The following CMSS1 variants were observed in gnomAD, a reference collection of about 807,000 sequenced individuals.
CMSS1 encodes protein CMSS1.
Under a neutral mutation model 43.5 loss-of-function variants are expected in CMSS1, and 33 were observed. That is an observed-to-expected ratio of 0.76 (90% CI 0.57 to 1.01). CMSS1 has a LOEUF of 1.01. CMSS1 is among the 50% of genes least tolerant of loss of function. The pLI, the probability that CMSS1 is intolerant of heterozygous loss-of-function variation, is 0.00. For missense variants in CMSS1, 313 were observed against 326.4 expected (o/e 0.96, Z 0.32); for synonymous variants, 115 against 117.2 (o/e 0.98, Z 0.12).
intron 1 of CMSS1, among the ~76,000 whole-genome samples, chr3:100,035,431 G>A (rs2065091560): frequency 6.6e-6 from 1 of 151,950 alleles, no homozygotes; most frequent in Non-Finnish European, 1.5e-5. Context: ...ATGCCACCAC[G>A]CCCAGCTAAT....
Position 100,146,955 on chromosome 3 carries a change from A to C in CMSS1, c.65-18A>C. The C allele has an allele frequency of 6.2e-7, 1 of 1,611,406 alleles. No individual in the cohort carries two copies. Among genetic ancestry groups the C allele is most frequent in the Non-Finnish European group, 8.5e-7 (1 of 1,178,658 alleles). ...AGAGAGAGAGACTTTTCTGATTTTCAAACTTTATATTTTCTAGAAGCATCA... is the reference window on the plus strand; with the variant it reads ...AGAGAGAGAGACTTTTCTGATTTTCCAACTTTATATTTTCTAGAAGCATCA... On this transcript the variant is annotated intron_variant, in intron 1 of 9. Coordinates refer to ENST00000421999, the MANE Select transcript of CMSS1 (RefSeq NM_032359.4).
intron 1 of CMSS1, among the ~76,000 whole-genome samples, chr3:99,872,154 T>G (rs1401617191): frequency 6.6e-6 from 1 of 152,110 alleles, no homozygotes; most frequent in East Asian, 1.9e-4. Flanking sequence ...TAGCTGTGTC[T>G]CTGGGGCAAG....
At chr3:100,170,529 G>A (rs2067101594) in intron 6 of CMSS1, among the ~76,000 whole-genome samples, 1 of 152,172 alleles carries the variant, frequency 6.6e-6, no homozygotes, top group South Asian at 2.1e-4. Flanking sequence ...TCAGTTGCCA[G>A]ATTGATGACA....
At chr3:99,828,463 T>G (rs1190291232) in intron 1 of CMSS1, among the ~76,000 whole-genome samples, 2 of 151,520 alleles carry the variant, frequency 1.3e-5, no homozygotes, top group African/African-American at 4.9e-5. Flanking sequence ...TTTTTTTTTT[T>G]TCCCCACAAA....
At chr3:100,172,471 A>C in intron 8 of CMSS1, 68 bp downstream of exon 8, 1 of 1,181,436 alleles carries the variant, frequency 8.5e-7, no homozygotes, top group Non-Finnish European at 1.2e-6. Context: ...TGTGAGTCTC[A>C]GAAACTAAAT....
Position 100,086,291 on chromosome 3 carries a change from G to T in CMSS1, c.65-60682G>T, listed in dbSNP as rs555094962. ...GTCATTCAGTACCACAGAAGAAAGG[G>T]ACAGAAAAGCCACGAAGTTAGTTGT... On this transcript the variant is annotated intron_variant, in intron 1 of 9. Coordinates refer to ENST00000421999, the MANE Select transcript of CMSS1 (RefSeq NM_032359.4). Among the ~76,000 whole-genome samples the T allele has an allele frequency of 4.0e-4, 61 of 152,290 alleles. 3 individuals carry two copies. In the South Asian group the frequency reaches 0.012, roughly 31 times the overall value.
At position 100,138,131 on chromosome 3, in the gene CMSS1, C is replaced by A. The variant is rs542340212; in HGVS notation, c.65-8842C>A. Among the ~76,000 whole-genome samples the A allele has an allele frequency of 1.4e-3, 219 of 152,322 alleles. 1 individual carries two copies. The highest frequency in any genetic ancestry group is 3.4e-3 in the Middle Eastern group (1 of 294). On this transcript the variant is annotated intron_variant, in intron 1 of 9. Transcript: ENST00000421999. ...CAATAAATGGTGCTGGGAAAACTGG[C>A]TAGCCATAGGCAGCAAACTGAAACT...
At chr3:100,117,753 T>C (rs2066582921) in intron 1 of CMSS1, among the ~76,000 whole-genome samples, 1 of 147,810 alleles carries the variant, frequency 6.8e-6, no homozygotes, top group South Asian at 2.1e-4. Flanking sequence ...AGATACACTT[T>C]TTTTTTTTAC....
intron 1 of CMSS1, among the ~76,000 whole-genome samples, chr3:100,049,661 A>T (rs1384858293): frequency 2.0e-5 from 3 of 152,238 alleles, no homozygotes; most frequent in Admixed American, 6.5e-5. Context: ...CAGCAAGAGC[A>T]ACCCTTCTTC....
intron 1 of CMSS1, among the ~76,000 whole-genome samples, chr3:100,063,406 G>A (rs1459925638): frequency 6.6e-6 from 1 of 151,966 alleles, no homozygotes. Flanking sequence ...TCTTCTTGGT[G>A]TAATTATTAT....
intron 1 of CMSS1, among the ~76,000 whole-genome samples, chr3:100,074,209 T>C (rs775978229): frequency 1.9e-4 from 29 of 152,214 alleles, no homozygotes; most frequent in Non-Finnish European, 4.1e-4. Flanking sequence ...CCGAGAGCTC[T>C]AAATCTGACA....
intron 1 of CMSS1, among the ~76,000 whole-genome samples, chr3:99,820,412 G>T (rs1390647772): frequency 2.0e-5 from 3 of 152,082 alleles, no homozygotes; most frequent in South Asian, 2.1e-4. Flanking sequence ...GGCCAGGCTG[G>T]TCTTGAGCTC....
At chr3:99,871,416 T>G (rs1944780544) in intron 1 of CMSS1, among the ~76,000 whole-genome samples, 1 of 152,212 alleles carries the variant, frequency 6.6e-6, no homozygotes, top group African/African-American at 2.4e-5. Flanking sequence ...CCTCGGTACT[T>G]TCCTAGGCAC....
chr3:99,823,924 T>TC (rs1313049984), intron 1 of CMSS1, among the ~76,000 whole-genome samples: 1 of 151,312 alleles, frequency 6.6e-6, no homozygotes, highest in Non-Finnish European at 1.5e-5. Context: ...TTTCTTTCTT[T>TC]CTTTTTTTTT....
chr3:99,977,583 A>G (rs1021662681), intron 1 of CMSS1, among the ~76,000 whole-genome samples: 2 of 152,218 alleles, frequency 1.3e-5, no homozygotes, highest in Admixed American at 6.5e-5. Context: ...TAGTGTCTCC[A>G]TGAAATAAAT....
intron 1 of CMSS1, among the ~76,000 whole-genome samples, chr3:100,014,677 T>C (rs1422512909): frequency 6.6e-6 from 1 of 152,012 alleles, no homozygotes; most frequent in African/African-American, 2.4e-5. Context: ...TTTAATTGGG[T>C]TGTTTATTTT....
chr3:99,948,335 TA>T (rs1559699729), intron 1 of CMSS1, among the ~76,000 whole-genome samples: 1 of 151,144 alleles, frequency 6.6e-6, no homozygotes, highest in Admixed American at 6.6e-5. Context: ...TCCAAAAAAA[TA>T]AAAAAATTAA....
At chr3:99,860,539 A>G (rs1199623141) in intron 1 of CMSS1, among the ~76,000 whole-genome samples, 2 of 152,196 alleles carry the variant, frequency 1.3e-5, no homozygotes, top group Non-Finnish European at 2.9e-5. Context: ...CAGAACAAGT[A>G]AAAGGCCAGT....
At chr3:100,011,224 A>G (rs1710147256) in intron 1 of CMSS1, among the ~76,000 whole-genome samples, 1 of 152,108 alleles carries the variant, frequency 6.6e-6, no homozygotes, top group South Asian at 2.1e-4. Context: ...TGTAAAAGTG[A>G]GGTAGGTTAT....
Sources: gnomAD v4.1 joint callset for allele counts (sites outside exome capture counted in the v4.1 genomes callset) on GRCh38, gnomAD v4.1.1 for gene constraint, MANE v1.5 for transcripts, NCBI Gene and HGNC (gene_info 2026-07-23, HGNC 2026-07-21) for gene names.